The following ZNF169 variants were observed in gnomAD, a reference collection of about 807,000 sequenced individuals.
ZNF169 encodes zinc finger protein 169.
In ZNF169, 11 loss-of-function variants were observed where a neutral mutation model predicts 12.0. That is an observed-to-expected ratio of 0.92 (90% CI 0.58 to 1.52). The LOEUF is 1.52. Among genes scored for constraint, ZNF169 ranks in the 40% most tolerant of loss-of-function variants. The pLI is 0.00. For synonymous variants in ZNF169, 302 were observed against 286.5 expected, an observed-to-expected ratio of 1.05 and a Z score of -0.55; for missense variants, 722 against 744.0, an observed-to-expected ratio of 0.97 and a Z score of 0.34.
Position 94,300,947 on chromosome 9 carries a change from T to G in ZNF169, c.1389T>G (p.Cys463Trp), listed in dbSNP as rs768660845. The change falls in exon 5 of 5, where the codon TGT becomes TGG. Residue 463 changes from cysteine to tryptophan, a missense_variant. Cys to Trp is a radical substitution (Grantham distance 215). Coordinates refer to ENST00000395395, the MANE Select transcript of ZNF169 (RefSeq NM_194320.4). ...AGAAGCCCTACCTGTGCCCTGATTG[T>G]GGGCGTGGCTTTGGTCAGAAGGTCA... Reference protein sequence around the residue: ...TGEKPYLCPDCGRGFGQKVTL... With the variant: ...TGEKPYLCPDWGRGFGQKVTL... 6.2e-7 allele frequency: 1 copy of G among 1,613,874 alleles called. No individual in the cohort carries two copies. The highest frequency in any genetic ancestry group is 1.1e-5 in the South Asian group (1 of 91,074).
chr9:94,299,858 C>T lies in ZNF169; in HGVS notation c.300C>T (p.Ala100=). Residue 100 remains alanine (A), a synonymous_variant, in exon 5 of 5, where the codon GCC becomes GCT. Coordinates refer to ENST00000395395, the MANE Select transcript of ZNF169 (RefSeq NM_194320.4). ...AGCCAAGTTTTCCCCACCTGGTGGC[C>T]TTTTCTAGCTCGCAGCTCCTCAGAC... The part of the protein sequence containing the change: ...EFQPSFPHLV[A]FSSSQLLRQY... 3 of 1,613,974 alleles carry T rather than the reference C, an allele frequency of 1.9e-6. No individual in the cohort carries two copies. The highest frequency in any genetic ancestry group is 2.5e-6 in the Non-Finnish European group (3 of 1,179,922).
At chr9:94,277,800 C>T (rs924521077) in intron 1 of ZNF169, among the ~76,000 whole-genome samples, 5 of 151,674 alleles carry the variant, frequency 3.3e-5, no homozygotes, top group Admixed American at 6.6e-5. Flanking sequence ...GGCGTGATGG[C>T]GGGCGCCTGT....
chr9:94,297,282 T>C (rs1159633322), intron 4 of ZNF169, among the ~76,000 whole-genome samples: 2 of 150,754 alleles, frequency 1.3e-5, no homozygotes, highest in Non-Finnish European at 2.9e-5. Flanking sequence ...TCCATTTACA[T>C]AAGACTTCTT....
intron 2 of ZNF169, chr9:94,288,386 C>T: frequency 8.0e-7 from 1 of 1,245,468 alleles, no homozygotes; most frequent in Non-Finnish European, 1.2e-6. Context: ...TCCAGACTGC[C>T]CGTCACTTTG....
chr9:94,272,913 G>T (rs1830447797), intron 1 of ZNF169, among the ~76,000 whole-genome samples: 1 of 151,934 alleles, frequency 6.6e-6, no homozygotes, highest in Non-Finnish European at 1.5e-5. Flanking sequence ...TTTTGTAGTG[G>T]CCATACAAAT....
chr9:94,301,801 T>A lies in ZNF169; in HGVS notation c.*431T>A, dbSNP rs1831083353. 6.6e-6 allele frequency among the ~76,000 whole-genome samples: 1 copy of A among 152,200 alleles called. No homozygotes were observed. The stretch of plus-strand genomic sequence containing the variant: ...CACAGCCACATGGCCTCGTTTAACC[T>A]TAATAACCTTCCTAAAGGCCTTATC... On this transcript the variant is annotated 3_prime_UTR_variant, in exon 5 of 5. Coordinates refer to ENST00000395395, the MANE Select transcript of ZNF169 (RefSeq NM_194320.4).
intron 2 of ZNF169, among the ~76,000 whole-genome samples, chr9:94,287,389 G>A (rs1234817563): frequency 2.0e-5 from 3 of 149,244 alleles, no homozygotes; most frequent in South Asian, 2.1e-4. Flanking sequence ...GTTTTGAAAC[G>A]GAGTCTCGCT....
chr9:94,292,626 T>A (rs1262487877), intron 3 of ZNF169, 159 bp downstream of exon 3: 1 of 835,874 alleles, frequency 1.2e-6, no homozygotes, highest in Non-Finnish European at 1.8e-6. Context: ...TGTGTGTGTG[T>A]GTGTGTGTGT....
At chr9:94,296,189 T>TA (rs546389387) in intron 4 of ZNF169, among the ~76,000 whole-genome samples, 34 of 152,258 alleles carry the variant, frequency 2.2e-4, no homozygotes, top group Non-Finnish European at 4.8e-4. Context: ...GAAGTACGTT[T>TA]TCACATCTTT....
At chr9:94,270,693 TA>T (rs552603208) in intron 1 of ZNF169, among the ~76,000 whole-genome samples, 6,052 of 58,618 alleles carry the variant, frequency 0.1, 361 homozygotes, top group Middle Eastern at 0.21. Flanking sequence ...TATAAATATA[TA>T]ATTTATATAA....
intron 2 of ZNF169, among the ~76,000 whole-genome samples, chr9:94,286,657 A>G (rs1320146789): frequency 6.6e-6 from 1 of 152,210 alleles, no homozygotes; most frequent in African/African-American, 2.4e-5. Flanking sequence ...TAAAAAACAA[A>G]TTGAGTGGTG....
At chr9:94,261,015 G>T (rs1830196518) in intron 1 of ZNF169, among the ~76,000 whole-genome samples, 1 of 141,842 alleles carries the variant, frequency 7.1e-6, no homozygotes. Context: ...TAGAGACGGG[G>T]TTTGTTTTTT....
intron 1 of ZNF169, among the ~76,000 whole-genome samples, chr9:94,260,526 C>A (rs1439001463): frequency 6.6e-6 from 1 of 151,968 alleles, no homozygotes; most frequent in Non-Finnish European, 1.5e-5. Flanking sequence ...GGTCAGTAGC[C>A]TTGGGGCCTG....
chr9:94,293,323 C>G, intron 4 of ZNF169: 1 of 592,714 alleles, frequency 1.7e-6, no homozygotes, highest in South Asian at 2.1e-5. Flanking sequence ...CGAGCACATT[C>G]AGGATTTCTC....
At position 94,300,935 on chromosome 9, in the gene ZNF169, G is replaced by A. The variant is rs1356913641; in HGVS notation, c.1377G>A (p.Leu459=). Residue 459 remains leucine (L), a synonymous_variant, in exon 5 of 5, where the codon CTG becomes CTA. Transcript: ENST00000395395. ...QRTHTGEKPY[L]CPDCGRGFGQ... is the part of the protein sequence containing the mutation. ...CACACACAGGGGAGAAGCCCTACCT[G>A]TGCCCTGATTGTGGGCGTGGCTTTG... 7.4e-6 allele frequency: 12 copies of A among 1,612,166 alleles called. No homozygotes were observed. The highest frequency in any genetic ancestry group is 9.3e-6 in the Non-Finnish European group (11 of 1,179,518).
Position 94,301,030 on chromosome 9 carries a change from G to A in ZNF169, c.1472G>A (p.Cys491Tyr). The A allele has an allele frequency of 6.2e-7, 1 of 1,614,060 alleles. No individual in the cohort carries two copies. The highest frequency in any genetic ancestry group is 8.5e-7 in the Non-Finnish European group (1 of 1,180,006). ...TGEKPYLCPK[C>Y]GRAFGFKSLL... Reference sequence around the variant, plus strand: ...GAGAAGCCTTATCTGTGCCCCAAGTGTGGGCGTGCATTTGGCTTTAAGTCG... The same window carrying A: ...GAGAAGCCTTATCTGTGCCCCAAGTATGGGCGTGCATTTGGCTTTAAGTCG... Residue 491 changes from cysteine to tyrosine, a missense_variant, in exon 5 of 5, where the codon TGT (cysteine) becomes TAT (tyrosine). Transcript: ENST00000395395.
At chr9:94,263,057 T>C (rs1830233058) in intron 1 of ZNF169, among the ~76,000 whole-genome samples, 1 of 152,234 alleles carries the variant, frequency 6.6e-6, no homozygotes, top group African/African-American at 2.4e-5. Flanking sequence ...TTTAAAAGCA[T>C]GTGCATTCTG....
At chr9:94,299,194 C>T (rs1831006553) in intron 4 of ZNF169, among the ~76,000 whole-genome samples, 1 of 152,240 alleles carries the variant, frequency 6.6e-6, no homozygotes, top group South Asian at 2.1e-4. Flanking sequence ...TCAGGGATTC[C>T]TCTTCTTCAA....
At chr9:94,270,695 AT>A (rs368326302) in intron 1 of ZNF169, among the ~76,000 whole-genome samples, 36,993 of 75,660 alleles carry the variant, frequency 0.49, 8,431 homozygotes, top group Middle Eastern at 0.62. Context: ...TAAATATATA[AT>A]TTATATAATT....
Sources: allele counts gnomAD v4.1 joint callset (sites outside exome capture counted in the v4.1 genomes callset), GRCh38; gene constraint gnomAD v4.1.1; transcripts MANE v1.5; gene names NCBI Gene and HGNC (gene_info 2026-07-23, HGNC 2026-07-21).